NEK4: variants seen among roughly 807,000 people sequenced by gnomAD.
NEK4 encodes the protein NIMA related kinase 4, also known as serine/threonine-protein kinase Nek4.
In NEK4, 86 loss-of-function variants were observed where a neutral mutation model predicts 98.4. The ratio of observed to expected loss-of-function variants is 0.87; its 90% CI spans 0.73 to 1.05. The LOEUF (loss-of-function observed/expected upper bound fraction) is 1.05, where lower values mean the gene tolerates loss of function less well. NEK4 is among the 50% of genes least tolerant of loss of function. NEK4 has a pLI of 0.00. For synonymous variants in NEK4, 328 were observed against 342.2 expected (o/e 0.96, Z 0.46); for missense variants, 898 against 950.3 (o/e 0.94, Z 0.72).
At chr3:52,732,469 A>T (rs1399062992) in intron 15 of NEK4, 1 of 167,052 alleles carries the variant, frequency 6.0e-6, no homozygotes, top group Non-Finnish European at 1.3e-5. Context: ...TGTTGGGATT[A>T]CAGGCGTGAG....
At chr3:52,743,518 G>C (rs936716613) in intron 11 of NEK4, 57 bp from the exon 12 acceptor site, 5 of 1,366,354 alleles carry the variant, frequency 3.7e-6, no homozygotes, top group Non-Finnish European at 5.2e-6. Context: ...AGTTGAAAAG[G>C]GCTTTGTATT....
chr3:52,768,673 AG>A lies in NEK4; in HGVS notation c.94-70del, dbSNP rs1162707944. 4 of 1,478,612 alleles carry A rather than the reference AG, an allele frequency of 2.7e-6. No individual in the cohort carries two copies. The Admixed American group carries it at 5.3e-5, about 20-fold the overall frequency. 91.6% of individuals were successfully genotyped at this position (1,478,612 alleles called of 1,614,324 possible). A position where few individuals can be genotyped will look rare whatever the true frequency, so the allele number is the denominator to read the frequency against. On this transcript the variant is annotated intron_variant, in intron 1 of 15. Transcript: ENST00000233027. ...AGATTTGTGGCCTCAGAGTTATCTAAGGGCTCTCAAGAATACCCTCAAAACC... is the reference window on the plus strand; with the variant it reads ...AGATTTGTGGCCTCAGAGTTATCTAAGGCTCTCAAGAATACCCTCAAAACC...
intron 6 of NEK4, among the ~76,000 whole-genome samples, chr3:52,753,220 T>C (rs1042687550): frequency 1.3e-5 from 2 of 152,040 alleles, no homozygotes; most frequent in African/African-American, 4.8e-5. Flanking sequence ...GGAGGATTGC[T>C]TGAGCCGGGA....
intron 15 of NEK4, among the ~76,000 whole-genome samples, chr3:52,714,424 G>A (rs1015321136): frequency 3.3e-5 from 5 of 152,212 alleles, no homozygotes; most frequent in Non-Finnish European, 7.3e-5. Flanking sequence ...AGCTGCAGAA[G>A]AGCAGTGGCA....
rs972962048 is a variant in NEK4, at chr3:52,710,697, G to A, written c.*1080C>T. 6.6e-5 allele frequency: 10 copies of A among 152,110 alleles called. No homozygotes were observed. The highest frequency in any genetic ancestry group is 2.4e-4 in the African/African-American group (10 of 41,428). 9.4% of individuals were successfully genotyped at this position (152,110 alleles called of 1,614,324 possible). ...ATACCACTTGAGCCCCAGAAGTGGAGGTTGCAGTGAGTTGAGATCATGCCA... is the reference window on the plus strand; with the variant it reads ...ATACCACTTGAGCCCCAGAAGTGGAAGTTGCAGTGAGTTGAGATCATGCCA... On this transcript the variant is annotated 3_prime_UTR_variant, in exon 16 of 16. Coordinates refer to ENST00000233027, the MANE Select transcript of NEK4 (RefSeq NM_003157.6).
At chr3:52,751,698 G>C (rs547756442) in intron 7 of NEK4, among the ~76,000 whole-genome samples, 1 of 152,236 alleles carries the variant, frequency 6.6e-6, no homozygotes, top group African/African-American at 2.4e-5. Context: ...GAAATCCTCA[G>C]AATAGGCAAA....
At chr3:52,747,866 G>C (rs1383614576) in intron 8 of NEK4, among the ~76,000 whole-genome samples, 1 of 151,844 alleles carries the variant, frequency 6.6e-6, no homozygotes, top group Non-Finnish European at 1.5e-5. Context: ...GATTGTATGA[G>C]TCCAGGAGGT....
chr3:52,711,684 G>A lies in NEK4; in HGVS notation c.*93C>T. 1 of 745,490 alleles carries A rather than the reference G, an allele frequency of 1.3e-6. No individual in the cohort carries two copies. The highest frequency in any genetic ancestry group is 2.4e-4 in the Middle Eastern group (1 of 4,192). 46.2% of individuals were successfully genotyped at this position (745,490 alleles called of 1,614,324 possible). On this transcript the variant is annotated 3_prime_UTR_variant, in exon 16 of 16. Coordinates refer to ENST00000233027, the MANE Select transcript of NEK4 (RefSeq NM_003157.6). ...TAAAAAAGAGATATAAAACAGTGGTGAGTGGCTTCCAAATGACTGTTTGCC... is the reference window on the plus strand; with the variant it reads ...TAAAAAAGAGATATAAAACAGTGGTAAGTGGCTTCCAAATGACTGTTTGCC...
At chr3:52,733,007 C>T in intron 15 of NEK4, 1 of 214,012 alleles carries the variant, frequency 4.7e-6, no homozygotes, top group Non-Finnish European at 1.0e-5. Flanking sequence ...TCAGTTCCAC[C>T]ACTTCAAAAA....
At chr3:52,716,081 G>A (rs531250332) in intron 15 of NEK4, among the ~76,000 whole-genome samples, 12 of 152,300 alleles carry the variant, frequency 7.9e-5, no homozygotes, top group African/African-American at 1.4e-4. Context: ...TGCCCGCCCC[G>A]CTGCAGCAAC....
chr3:52,743,520 CTTTG>C, intron 11 of NEK4, 59 bp from the exon 12 acceptor site: 1 of 1,342,354 alleles, frequency 7.4e-7, no homozygotes, highest in Non-Finnish European at 1.1e-6. Flanking sequence ...TTGAAAAGGG[CTTTG>C]TATTTGGTAT....
chr3:52,721,163 T>G (rs1295686149), intron 15 of NEK4, among the ~76,000 whole-genome samples: 2 of 152,234 alleles, frequency 1.3e-5, no homozygotes, highest in African/African-American at 4.8e-5. Context: ...GCAGCTTGCA[T>G]GCTGCTTGCA....
chr3:52,743,503 G>A, intron 11 of NEK4, 42 bp from the exon 12 acceptor site: 1 of 1,508,134 alleles, frequency 6.6e-7, no homozygotes, highest in Non-Finnish European at 9.2e-7. Flanking sequence ...GTGGTGGGCT[G>A]CCCCAGTTGA....
At chr3:52,756,525 T>G (rs2097415384) in intron 6 of NEK4, among the ~76,000 whole-genome samples, 1 of 152,186 alleles carries the variant, frequency 6.6e-6, no homozygotes, top group African/African-American at 2.4e-5. Flanking sequence ...TTTCAACAAA[T>G]AGTGCTGAAA....
chr3:52,751,909 T>C (rs756418928), intron 7 of NEK4, 23 bp downstream of exon 7: 76 of 1,590,578 alleles, frequency 4.8e-5, no homozygotes, highest in Non-Finnish European at 6.1e-5. Flanking sequence ...AAAACCAGTA[T>C]CTCATGTGTG....
At chr3:52,734,981 C>A in intron 15 of NEK4, 1 of 181,574 alleles carries the variant, frequency 5.5e-6, no homozygotes, top group South Asian at 1.2e-4. Context: ...ATATGCTTTC[C>A]TACCAACTAA....
intron 15 of NEK4, among the ~76,000 whole-genome samples, chr3:52,719,194 C>G (rs374575530): frequency 8.9e-4 from 135 of 152,342 alleles, no homozygotes; most frequent in African/African-American, 3.1e-3. Context: ...TAATTGGACT[C>G]TGCAAGCAGC....
At chr3:52,750,191 A>G (rs114707129) in intron 7 of NEK4, among the ~76,000 whole-genome samples, 2,080 of 152,334 alleles carry the variant, frequency 0.014, 18 homozygotes, top group South Asian at 0.036. Context: ...TTCCTCTTAG[A>G]AAACAAAAGT....
rs147140852 is a variant in NEK4, at chr3:52,711,866, G to GT, written c.2436dup (p.Arg813ThrfsTer8). The GT allele has an allele frequency of 1.6e-5, 25 of 1,578,646 alleles. No individual in the cohort carries two copies. The Middle Eastern group carries it at 5.0e-4, about 32-fold the overall frequency. On this transcript the variant is annotated frameshift_variant, in exon 16 of 16. Transcript: ENST00000233027. LOFTEE classifies it high-confidence loss of function. ...TTTTCACCCATGTGCTCCCGCAAACGTACCTATTTGAGAAACAAAAAGAAA... is the reference window on the plus strand; with the variant it reads ...TTTTCACCCATGTGCTCCCGCAAACGTTACCTATTTGAGAAACAAAAAGAAA...
Sources: gnomAD v4.1 joint callset for allele counts (sites outside exome capture counted in the v4.1 genomes callset) on GRCh38, gnomAD v4.1.1 for gene constraint, MANE v1.5 for transcripts, NCBI Gene and HGNC (gene_info 2026-07-23, HGNC 2026-07-21) for gene names.